Variants in SPECC1 observed in about 807,000 individuals in gnomAD.
SPECC1 encodes sperm antigen with calponin homology and coiled-coil domains 1.
SPECC1 carries 62 observed loss-of-function variants against 104.1 expected under a neutral mutation model. The observed-to-expected ratio is 0.60, with a 90% confidence interval of 0.49 to 0.74. The LOEUF is 0.74. Among genes scored for constraint, SPECC1 ranks in the 30% least tolerant of loss-of-function variants. SPECC1 has a pLI of 0.00. For synonymous variants in SPECC1, 513 were observed against 501.6 expected, an observed-to-expected ratio of 1.02 and a Z score of -0.30; for missense variants, 1,306 against 1,310.5, an observed-to-expected ratio of 1.00 and a Z score of 0.05.
chr17:20,216,269 C>G (rs55891925), intron 4 of SPECC1, among the ~76,000 whole-genome samples: 7,981 of 152,082 alleles, frequency 0.052, 286 homozygotes, highest in Non-Finnish European at 0.079. Flanking sequence ...GCATCCCCCC[C>G]ACCCCCAAGC....
chr17:20,132,103 A>G (rs772761919), intron 3 of SPECC1, among the ~76,000 whole-genome samples: 2 of 151,142 alleles, frequency 1.3e-5, no homozygotes, highest in South Asian at 2.1e-4. Flanking sequence ...AGTCTTTACC[A>G]TGAGTGGATT....
intron 4 of SPECC1, among the ~76,000 whole-genome samples, chr17:20,216,571 T>G (rs560325719): frequency 6.6e-6 from 1 of 152,120 alleles, no homozygotes. Context: ...TAGAGGGGTC[T>G]GACTTCAGAG....
chr17:20,115,038 A>C (rs530488368), intron 3 of SPECC1, among the ~76,000 whole-genome samples: 4 of 152,334 alleles, frequency 2.6e-5, no homozygotes, highest in Non-Finnish European at 4.4e-5. Flanking sequence ...AAATAACCTA[A>C]AACTGCAGAA....
At chr17:20,203,926 A>G (rs1404506887) in intron 3 of SPECC1, among the ~76,000 whole-genome samples, 6 of 152,254 alleles carry the variant, frequency 3.9e-5, no homozygotes, top group Non-Finnish European at 5.9e-5. Context: ...CTTCTCTGCC[A>G]TCTGCATTCC....
chr17:20,045,231 G>A (rs962867891), intron 1 of SPECC1, among the ~76,000 whole-genome samples: 2 of 151,908 alleles, frequency 1.3e-5, no homozygotes, highest in Admixed American at 6.6e-5. Flanking sequence ...TTGTTTTCAC[G>A]TAACACACAG....
At chr17:20,312,279 T>C (rs1190734819) in intron 14 of SPECC1, among the ~76,000 whole-genome samples, 1 of 152,254 alleles carries the variant, frequency 6.6e-6, no homozygotes, top group Non-Finnish European at 1.5e-5. Context: ...TTCAAACAAA[T>C]GTCATGCACT....
At chr17:20,237,061 C>A in intron 7 of SPECC1, 1 of 1,460,264 alleles carries the variant, frequency 6.8e-7, no homozygotes. Flanking sequence ...GCTTTTTGTC[C>A]ACATTTTGGG....
intron 1 of SPECC1, among the ~76,000 whole-genome samples, chr17:20,082,334 G>A (rs115982895): frequency 1.4e-3 from 220 of 152,252 alleles, no homozygotes; most frequent in African/African-American, 5.1e-3. Context: ...GCAGACATTG[G>A]AGTCAAAATC....
rs1044071389 is a variant in SPECC1, at chr17:20,205,037, G to A, written c.988G>A (p.Asp330Asn). Residue 330 changes from aspartate (D) to asparagine (N), a missense_variant, in exon 4 of 15, where the codon GAC (aspartate) becomes AAC (asparagine). By Grantham distance (23) the Asp-to-Asn change is conservative (BLOSUM62 1). Around this residue, in one of 2 missense-constraint regions of SPECC1, gnomAD observed 1,177 missense variants for 1,139.9 expected, o/e 1.03. Coordinates refer to ENST00000395527, the MANE Select transcript of SPECC1 (RefSeq NM_001243439.2). ...TKASLSPDAS[D>N]FEHITAETPS... Reference sequence around the variant, plus strand: ...AGCTTCTTTGTCGCCAGATGCTTCCGACTTTGAGCACATTACAGCAGAGAC... The same window carrying A: ...AGCTTCTTTGTCGCCAGATGCTTCCAACTTTGAGCACATTACAGCAGAGAC... 23 of 1,613,942 alleles carry A rather than the reference G, an allele frequency of 1.4e-5. No homozygotes were observed. The highest frequency in any genetic ancestry group is 4.5e-5 in the East Asian group (2 of 44,896).
At chr17:20,248,117 T>C (rs1444067755) in intron 9 of SPECC1, among the ~76,000 whole-genome samples, 2 of 152,180 alleles carry the variant, frequency 1.3e-5, no homozygotes, top group African/African-American at 4.8e-5. Flanking sequence ...TGCCCCATAC[T>C]GACCAGAAAA....
intron 3 of SPECC1, among the ~76,000 whole-genome samples, chr17:20,166,377 T>C (rs1176070172): frequency 2.0e-5 from 3 of 152,208 alleles, no homozygotes; most frequent in African/African-American, 7.2e-5. Context: ...ATTACTGTTG[T>C]TCAAGGGAAA....
intron 3 of SPECC1, among the ~76,000 whole-genome samples, chr17:20,202,872 G>T (rs2036525142): frequency 6.6e-6 from 1 of 152,186 alleles, no homozygotes; most frequent in African/African-American, 2.4e-5. Flanking sequence ...AACTTAATTT[G>T]AAGAAGTTAA....
intron 1 of SPECC1, among the ~76,000 whole-genome samples, chr17:20,023,521 G>A (rs2152435464): frequency 6.6e-6 from 1 of 152,228 alleles, no homozygotes; most frequent in South Asian, 2.1e-4. Context: ...ACACAATTGG[G>A]CAGCAGGGGT....
intron 12 of SPECC1, chr17:20,290,214 A>G (rs2041117106): frequency 6.6e-6 from 1 of 152,144 alleles, no homozygotes; most frequent in African/African-American, 2.4e-5. Context: ...GCCAGACTTT[A>G]GTCTCAACCT....
intron 2 of SPECC1, among the ~76,000 whole-genome samples, chr17:20,105,588 C>T (rs1301510167): frequency 6.6e-6 from 1 of 152,176 alleles, no homozygotes; most frequent in Admixed American, 6.5e-5. Flanking sequence ...ACTGCTGACT[C>T]CTCACCAGAG....
At chr17:20,261,877 A>C (rs1047131996) in intron 12 of SPECC1, among the ~76,000 whole-genome samples, 2 of 152,220 alleles carry the variant, frequency 1.3e-5, no homozygotes, top group African/African-American at 4.8e-5. Flanking sequence ...CACCACTCCC[A>C]TCCAGAAGAG....
chr17:20,227,955 A>G (rs1475873224), intron 5 of SPECC1, among the ~76,000 whole-genome samples: 1 of 150,714 alleles, frequency 6.6e-6, no homozygotes, highest in Non-Finnish European at 1.5e-5. Flanking sequence ...AACCAGCAGC[A>G]GTGGGTGACG....
rs752038431 is a variant in SPECC1, at chr17:20,096,612, C to T, written c.-21-19C>T. 1 of 1,579,484 alleles carries T rather than the reference C, an allele frequency of 6.3e-7. No individual in the cohort carries two copies. Among genetic ancestry groups the T allele is most frequent in the African/African-American group, 1.4e-5 (1 of 73,508 alleles). ...GTTCAAGTGATGGAGACATGTTTTT[C>T]TTTTCTGCTCTTTTGCAGGACAGAC... is the stretch of plus-strand genomic sequence containing the variant. On this transcript the variant is annotated intron_variant, in intron 1 of 14. Coordinates refer to ENST00000395527, the MANE Select transcript of SPECC1 (RefSeq NM_001243439.2).
rs35118209 is a variant in SPECC1, at chr17:20,317,055, AT to A, written c.*3004del. 0.63 allele frequency: 112,181 copies of A among 176,728 alleles called. 33,496 individuals are homozygous for A. The highest frequency in any genetic ancestry group is 0.8 in the African/African-American group (32,750 of 40,750). The allele number at this position is 176,728 out of a possible 1,614,324, so 10.9% of individuals were successfully genotyped here. On this transcript the variant is annotated 3_prime_UTR_variant, in exon 15 of 15. Coordinates refer to ENST00000395527, the MANE Select transcript of SPECC1 (RefSeq NM_001243439.2). ...AACTCCAGGAGTTTCCCCGACTACC[AT>A]TTTTTTTTTTTTTATTTGCCAGTGG...
Sources: allele counts gnomAD v4.1 joint callset (sites outside exome capture counted in the v4.1 genomes callset), GRCh38; gene constraint gnomAD v4.1.1; regional missense constraint gnomAD v4.1.1; transcripts MANE v1.5; gene names NCBI Gene and HGNC (gene_info 2026-07-23, HGNC 2026-07-21).